ZNF320: variants seen among roughly 807,000 people sequenced by gnomAD.
The protein encoded by ZNF320 is zinc finger gene 320.
A neutral mutation model predicts 6.8 loss-of-function variants in ZNF320; 2 were observed. The observed-to-expected ratio is 0.29, with a 90% CI of 0.12 to 0.93. The LOEUF is 0.93. Among genes scored for constraint, ZNF320 ranks in the 40% least tolerant of loss-of-function variants. The pLI is 0.55. For missense variants in ZNF320, 472 were observed against 611.0 expected (o/e 0.77, Z 2.40); for synonymous variants, 208 against 203.2 (o/e 1.02, Z -0.20).
At position 52,878,983 on chromosome 19, in the gene ZNF320, G is replaced by C. The variant is rs1014276285; in HGVS notation, c.*1613C>G. The C allele has an allele frequency of 6.6e-6, 1 of 152,202 alleles. No individual in the cohort carries two copies. Among genetic ancestry groups the C allele is most frequent in the Non-Finnish European group, 1.5e-5 (1 of 68,048 alleles). 9.4% of individuals were successfully genotyped at this position (152,202 alleles called of 1,614,324 possible). On this transcript the variant is annotated 3_prime_UTR_variant, in exon 6 of 6. Coordinates refer to ENST00000682928, the MANE Select transcript of ZNF320 (RefSeq NM_001351774.2). ...TTACAGGCCTGAGCCACAGCATCTG[G>C]TCTCATCGCAAATTTGATGTTTCTT...
chr19:52,885,384 C>A (rs1432436476), intron 5 of ZNF320, among the ~76,000 whole-genome samples: 3 of 152,002 alleles, frequency 2.0e-5, no homozygotes, highest in East Asian at 1.9e-4. Context: ...GGTTCGAGAC[C>A]AGCCTGGACA....
Position 52,878,196 on chromosome 19 carries a change from T to A in ZNF320, c.*2400A>T, listed in dbSNP as rs953855088. On this transcript the variant is annotated 3_prime_UTR_variant, in exon 6 of 6. Coordinates refer to ENST00000682928, the MANE Select transcript of ZNF320 (RefSeq NM_001351774.2). ...GTGTCGTCTTTGACAGTTGTACCTA[T>A]AAAACTTATGTGGATGGTCTGCCTG... 1.7e-5 allele frequency: 3 copies of A among 181,416 alleles called. No individual in the cohort carries two copies. The highest frequency in any genetic ancestry group is 2.4e-5 in the Non-Finnish European group (2 of 84,388). The allele number at this position is 181,416 out of a possible 1,614,324, so 11.2% of individuals were successfully genotyped here. A position where few individuals can be genotyped will look rare whatever the true frequency, so the allele number is the denominator to read the frequency against.
chr19:52,867,037 T>C (rs1379150090), intron 5 of ZNF320, among the ~76,000 whole-genome samples: 1 of 151,848 alleles, frequency 6.6e-6, no homozygotes, highest in Non-Finnish European at 1.5e-5. Flanking sequence ...ACATAGAATG[T>C]GTACTGGGAA....
At chr19:52,872,057 C>T (rs1445567299), downstream of ZNF320, among the ~76,000 whole-genome samples, 1 of 152,168 alleles carries the variant, frequency 6.6e-6, no homozygotes, top group Non-Finnish European at 1.5e-5. Context: ...TGTGGTAGCA[C>T]CTGCCTGTCA....
chr19:52,899,001 C>A (rs1162677739), upstream of ZNF320, among the ~76,000 whole-genome samples: 1 of 152,182 alleles, frequency 6.6e-6, no homozygotes, highest in Non-Finnish European at 1.5e-5. Context: ...TCCTTTATTT[C>A]TTCTTTTTGA....
downstream of ZNF320, among the ~76,000 whole-genome samples, chr19:52,871,942 C>T (rs1381641545): frequency 1.2e-4 from 19 of 152,190 alleles, no homozygotes; most frequent in Non-Finnish European, 7.3e-5. Flanking sequence ...ATCAACTCAC[C>T]GCTCATCTGC....
rs7256528 is a variant in ZNF320 at position 52,878,186 on chromosome 19, G to A, written c.*2410C>T. On this transcript the variant is annotated 3_prime_UTR_variant, in exon 6 of 6. Transcript: ENST00000682928. Reference sequence around the variant, plus strand: ...CTCTTCTCCAGTGTCGTCTTTGACAGTTGTACCTATAAAACTTATGTGGAT... The same window carrying A: ...CTCTTCTCCAGTGTCGTCTTTGACAATTGTACCTATAAAACTTATGTGGAT... 1,619 of 191,850 alleles carry A rather than the reference G, an allele frequency of 8.4e-3. 22 individuals are homozygous for A. The highest frequency in any genetic ancestry group is 0.037 in the African/African-American group (1,514 of 41,326). The allele number at this position is 191,850 out of a possible 1,614,324, so 11.9% of individuals were successfully genotyped here. A position where few individuals can be genotyped will look rare whatever the true frequency, so the allele number is the denominator to read the frequency against.
upstream of ZNF320, among the ~76,000 whole-genome samples, chr19:52,898,078 A>G (rs1324278375): frequency 6.6e-6 from 1 of 152,236 alleles, no homozygotes; most frequent in Non-Finnish European, 1.5e-5. Context: ...TTATGTCCAA[A>G]ATCTGGAAGT....
chr19:52,877,003 A>C lies in ZNF320; in HGVS notation c.*3593T>G, dbSNP rs531364245. 6.6e-6 allele frequency: 1 copy of C among 152,292 alleles called. No individual in the cohort carries two copies. The highest frequency in any genetic ancestry group is 1.5e-5 in the Non-Finnish European group (1 of 68,070). 9.4% of individuals were successfully genotyped at this position (152,292 alleles called of 1,614,324 possible). A position where few individuals can be genotyped will look rare whatever the true frequency, so the allele number is the denominator to read the frequency against. ...CTGGCTATGGTCCTAGCAACTTTGG[A>C]GGCTGAGGTGGGAGGATCCCTTGAA... is the stretch of plus-strand genomic sequence containing the variant. On this transcript the variant is annotated 3_prime_UTR_variant, in exon 6 of 6. Coordinates refer to ENST00000682928, the MANE Select transcript of ZNF320 (RefSeq NM_001351774.2).
Position 52,861,256 on chromosome 19 carries a change from C to T in ZNF320, c.*2773G>A, listed in dbSNP as rs1456437826. The stretch of plus-strand genomic sequence containing the variant: ...TTAAAAGAAAATTAAGAAAACCGTT[C>T]CATTTGCTAGAGAAATTTAAGTAAG... On this transcript the variant is annotated 3_prime_UTR_variant, in exon 6 of 6. Coordinates refer to the ZNF320 transcript ENST00000673631. Among the ~76,000 whole-genome samples the T allele has an allele frequency of 3.3e-5, 5 of 152,108 alleles. No individual in the cohort carries two copies. In the East Asian group the frequency reaches 9.6e-4, roughly 29 times the overall value.
At position 52,881,238 on chromosome 19, in the gene ZNF320, AGTATGAACTGCCTTAT is replaced by A. The variant is rs1378389346; in HGVS notation, c.872_887del (p.His291LeufsTer185). On this transcript the variant is annotated frameshift_variant, in exon 6 of 6. Coordinates refer to ENST00000682928, the MANE Select transcript of ZNF320 (RefSeq NM_001351774.2). LOFTEE classifies it low-confidence loss of function (END_TRUNC). The stretch of plus-strand genomic sequence containing the variant: ...CATTACACTTATAGGGTTTCTCTGC[AGTATGAACTGCCTTAT>A]GAATTACGAGGACTGAATTTCGAGC... 3 of 1,614,044 alleles carry A rather than the reference AGTATGAACTGCCTTAT, an allele frequency of 1.9e-6. No individual in the cohort carries two copies. Among genetic ancestry groups the A allele is most frequent in the African/African-American group, 1.3e-5 (1 of 75,002 alleles).
chr19:52,860,465 G>A (rs1209073876), downstream of ZNF320, among the ~76,000 whole-genome samples: 1 of 151,726 alleles, frequency 6.6e-6, no homozygotes, highest in Non-Finnish European at 1.5e-5. Flanking sequence ...CAGGCCTGGG[G>A]GCACATGTCT....
chr19:52,904,022 A>T, the ZNF320 span, among the ~76,000 whole-genome samples: 7 of 152,082 alleles, frequency 4.6e-5, no homozygotes, highest in African/African-American at 7.2e-5. Flanking sequence ...AAACCAGGAC[A>T]AAAGTGCCAA....
At chr19:52,892,720 G>C (rs902758146) in intron 2 of ZNF320, among the ~76,000 whole-genome samples, 7 of 151,604 alleles carry the variant, frequency 4.6e-5, no homozygotes, top group African/African-American at 1.2e-4. Flanking sequence ...TGCATCCTCT[G>C]CTCTCCCTGT....
intron 4 of ZNF320, among the ~76,000 whole-genome samples, chr19:52,889,113 G>A (rs2064202183): frequency 6.6e-6 from 1 of 152,010 alleles, no homozygotes; most frequent in South Asian, 2.1e-4. Flanking sequence ...GAACCTGGGC[G>A]GCGGAGTTTG....
chr19:52,893,964 GAGA>G (rs1475671923), intron 1 of ZNF320, 108 bp from the exon 2 acceptor site: 1 of 152,122 alleles, frequency 6.6e-6, no homozygotes, highest in African/African-American at 2.4e-5. Context: ...TGAAGAACAT[GAGA>G]AGGACAACCA....
chr19:52,876,618 C>T lies in ZNF320; in HGVS notation c.*3978G>A, dbSNP rs986169815. The T allele has an allele frequency of 6.6e-6, 1 of 152,186 alleles. No homozygotes were observed. The highest frequency in any genetic ancestry group is 6.5e-5 in the Admixed American group (1 of 15,274). The allele number at this position is 152,186 out of a possible 1,614,324, so 9.4% of individuals were successfully genotyped here. A position where few individuals can be genotyped will look rare whatever the true frequency, so the allele number is the denominator to read the frequency against. On this transcript the variant is annotated 3_prime_UTR_variant, in exon 6 of 6. Transcript: ENST00000682928. The stretch of plus-strand genomic sequence containing the variant: ...ATTCAAGCCATTCTTCTGCCTCACC[C>T]TCCTGAATAGCTGGGATTACAGGCA...
Position 52,861,227 on chromosome 19 carries a change from A to G in ZNF320, c.*2802T>C, listed in dbSNP as rs190001929. On this transcript the variant is annotated 3_prime_UTR_variant, in exon 6 of 6. Transcript: ENST00000673631. ...GAATTTCCATACATTAACAATAAAC[A>G]ATTTTAAAAGAAAATTAAGAAAACC... Among the ~76,000 whole-genome samples the G allele has an allele frequency of 9.6e-3, 1,466 of 152,316 alleles. 8 individuals are homozygous for G. The highest frequency in any genetic ancestry group is 0.014 in the Non-Finnish European group (950 of 68,024).
intron 1 of ZNF320, among the ~76,000 whole-genome samples, chr19:52,897,235 T>C (rs554380312): frequency 1.3e-5 from 2 of 151,926 alleles, no homozygotes; most frequent in South Asian, 2.1e-4. Flanking sequence ...AGGGGTGGCG[T>C]CTGCAGGATC....
Sources: gnomAD v4.1 joint callset for allele counts (sites outside exome capture counted in the v4.1 genomes callset) on GRCh38, gnomAD v4.1.1 for gene constraint, MANE v1.5 for transcripts, NCBI Gene and HGNC (gene_info 2026-07-23, HGNC 2026-07-21) for gene names.